The following MBD3 variants were observed in gnomAD, a reference collection of about 807,000 sequenced individuals.
MBD3 encodes the protein methyl-CpG binding domain protein 3, also known as methyl-CpG-binding domain protein 3.
A neutral mutation model predicts 31.2 loss-of-function variants in MBD3; 13 were observed. The observed-to-expected ratio is 0.42, with a 90% CI of 0.27 to 0.66. The LOEUF (loss-of-function observed/expected upper bound fraction) is 0.66, where lower values mean the gene tolerates loss of function less well. Ranked by LOEUF, MBD3 falls within the 30% of genes least tolerant of loss-of-function variation. The pLI, the probability that MBD3 is intolerant of heterozygous loss-of-function variation, is 0.26. For synonymous variants in MBD3, 223 were observed against 187.4 expected, an observed-to-expected ratio of 1.19 and a Z score of -1.55; for missense variants, 440 against 426.5, an observed-to-expected ratio of 1.03 and a Z score of -0.28.
Position 1,592,545 on chromosome 19 carries a change from G to A in MBD3, c.87C>T (p.Gly29=). 2 of 1,438,842 alleles carry A rather than the reference G, an allele frequency of 1.4e-6. No individual in the cohort carries two copies. Among genetic ancestry groups the A allele is most frequent in the Non-Finnish European group, 9.3e-7 (1 of 1,073,220 alleles). The allele number at this position is 1,438,842 out of a possible 1,614,324, so 89.1% of individuals were successfully genotyped here. A position where few individuals can be genotyped will look rare whatever the true frequency, so the allele number is the denominator to read the frequency against. The change falls in exon 1 of 7, where the codon GGC becomes GGT. Residue 29 remains glycine (G), a synonymous_variant. Coordinates refer to ENST00000434436, the MANE Select transcript of MBD3 (RefSeq NM_001281453.2). ...EVPRRSGLSA[G]HRDVFYYSPS... ...ACCTATAGTAAAAGACATCCCTGTG[G>A]CCGGCCGACAGCCCCGACCTTCTGG...
chr19:1,578,620 T>A lies in MBD3; in HGVS notation c.678-82A>T, dbSNP rs1599338736. On this transcript the variant is annotated intron_variant, in intron 5 of 6. Transcript: ENST00000434436. The surrounding 1 kb of genome is among the most constrained non-coding windows in gnomAD (Gnocchi z 6.1). The stretch of plus-strand genomic sequence containing the variant: ...ACAGGATGAACGTGGGGACCTCAGC[T>A]GGGAGGGGAGGCCCGAGGGATCCAC... The A allele has an allele frequency of 6.2e-6, 10 of 1,600,696 alleles. No homozygotes were observed. The East Asian group carries it at 2.2e-4, about 36-fold the overall frequency.
intron 5 of MBD3, among the ~76,000 whole-genome samples, chr19:1,580,239 G>A (rs896337035): frequency 1.3e-5 from 2 of 152,234 alleles, no homozygotes; most frequent in East Asian, 1.9e-4. Context: ...TACCACGGCC[G>A]GAGGAGGATG....
rs2238590 is a variant in MBD3, at chr19:1,580,009, C to T, written c.677+1083G>A. Among the ~76,000 whole-genome samples the T allele has an allele frequency of 0.033, 4,956 of 152,318 alleles. 436 individuals are homozygous for T. In the East Asian group the frequency reaches 0.35, roughly 11 times the overall value. The stretch of plus-strand genomic sequence containing the variant: ...CTGACCTCAGGTGATCCTCCCGCCT[C>T]GGCCTCCCAAAGTGCTGGGATTACA... On this transcript the variant is annotated intron_variant, in intron 5 of 6. Transcript: ENST00000434436.
chr19:1,580,965 G>A, intron 5 of MBD3, 127 bp downstream of exon 5: 2 of 1,245,130 alleles, frequency 1.6e-6, no homozygotes, highest in Non-Finnish European at 2.3e-6. Context: ...TGCCCTGGCT[G>A]TTTCTGTTTC....
chr19:1,592,167 G>C (rs763427778), intron 1 of MBD3: 20 of 152,334 alleles, frequency 1.3e-4, no homozygotes, highest in Non-Finnish European at 2.8e-4. Context: ...AGCGCCCCAA[G>C]AAGGCACCCC....
intron 3 of MBD3, 24 bp downstream of exon 3, chr19:1,584,516 G>A (rs768980750): frequency 6.8e-6 from 11 of 1,611,268 alleles, no homozygotes; most frequent in Admixed American, 5.0e-5. Flanking sequence ...CGGGAAGGCT[G>A]GGGTCGCTGT....
At chr19:1,586,984 A>AATAGAGAT (rs2060682281) in intron 1 of MBD3, among the ~76,000 whole-genome samples, 1 of 128,296 alleles carries the variant, frequency 7.8e-6, no homozygotes, top group Non-Finnish European at 1.7e-5. Context: ...TTTTTTTTTT[A>AATAGAGAT]AGACGGAGTC....
chr19:1,582,596 C>T (rs749980377), intron 4 of MBD3, 26 bp downstream of exon 4: 68 of 1,607,448 alleles, frequency 4.2e-5, no homozygotes, highest in Admixed American at 5.0e-5. Flanking sequence ...CATCCCCTTC[C>T]GCCTCCCCTC....
chr19:1,587,518 G>A (rs2060684929), intron 1 of MBD3, among the ~76,000 whole-genome samples: 1 of 152,182 alleles, frequency 6.6e-6, no homozygotes, highest in Non-Finnish European at 1.5e-5. Flanking sequence ...GGACTCAAGG[G>A]ATTGTCCTGC....
intron 4 of MBD3, 43 bp downstream of exon 4, chr19:1,582,579 C>G: frequency 6.3e-7 from 1 of 1,587,230 alleles, no homozygotes; most frequent in Non-Finnish European, 8.6e-7. Flanking sequence ...CTCCACCCCA[C>G]CCGGCACATC....
At chr19:1,580,377 C>A (rs1056395838) in intron 5 of MBD3, among the ~76,000 whole-genome samples, 36 of 152,322 alleles carry the variant, frequency 2.4e-4, no homozygotes, top group African/African-American at 7.9e-4. Flanking sequence ...GGGCCTTTAA[C>A]CCCGGCTGCT....
chr19:1,583,535 A>G (rs1181682956), intron 3 of MBD3, among the ~76,000 whole-genome samples: 3 of 152,078 alleles, frequency 2.0e-5, no homozygotes, highest in Non-Finnish European at 2.9e-5. Context: ...CGGCAGACTG[A>G]AAATATTTGG....
chr19:1,588,779 CAAAAAAAAA>C (rs750933978), intron 1 of MBD3, among the ~76,000 whole-genome samples: 1 of 54,950 alleles, frequency 1.8e-5, no homozygotes, highest in African/African-American at 7.5e-5. Context: ...ACTGTGTCTC[CAAAAAAAAA>C]AAAAAAAAAA....
chr19:1,592,461 C>T, intron 1 of MBD3, 61 bp downstream of exon 1: 10 of 911,572 alleles, frequency 1.1e-5, no homozygotes, highest in South Asian at 1.9e-5. Flanking sequence ...GCGCCGAGGC[C>T]GCCGCAGAGG....
Position 1,578,589 on chromosome 19 carries a change from A to T in MBD3, c.678-51T>A. On this transcript the variant is annotated intron_variant, in intron 5 of 6. Coordinates refer to ENST00000434436, the MANE Select transcript of MBD3 (RefSeq NM_001281453.2). The surrounding 1 kb of genome is among the most constrained non-coding windows in gnomAD (Gnocchi z 6.1). ...CACCAAGGTGAGCGGCCAGCAGGAC[A>T]TGGACACAGGATGAACGTGGGGACC... 6.2e-7 allele frequency: 1 copy of T among 1,606,918 alleles called. No homozygotes were observed. The highest frequency in any genetic ancestry group is 8.5e-7 in the Non-Finnish European group (1 of 1,179,840).
intron 1 of MBD3, among the ~76,000 whole-genome samples, chr19:1,589,209 T>C (rs1304540362): frequency 1.3e-5 from 2 of 151,278 alleles, no homozygotes; most frequent in East Asian, 3.9e-4. Flanking sequence ...CACATGCCTG[T>C]AATCCCAGCT....
rs748716757 is a variant in MBD3, at chr19:1,581,159, G to A, written c.610C>T (p.Pro204Ser). ...TGCGTGGTGTTGAGCCATACGCCGG[G>A]GTTCTTCTCCACGGCGGCCGAGAGC... ...GQLSAAVEKN[P>S]GVWLNTTQPL... The change falls in exon 5 of 7, where the codon CCC becomes TCC. Residue 204 changes from proline to serine, a missense_variant. Physicochemically the swap from Pro to Ser is moderately conservative, Grantham distance 74 (BLOSUM62 -1). Transcript: ENST00000434436. 1.9e-6 allele frequency: 3 copies of A among 1,614,046 alleles called. No homozygotes were observed. The highest frequency in any genetic ancestry group is 1.7e-6 in the Non-Finnish European group (2 of 1,180,046).
chr19:1,580,259 G>A (rs905937201), intron 5 of MBD3, among the ~76,000 whole-genome samples: 7 of 152,204 alleles, frequency 4.6e-5, no homozygotes, highest in South Asian at 2.1e-4. Flanking sequence ...GCCGCCAGCC[G>A]CTCCGGATGG....
At chr19:1,582,856 C>T in intron 3 of MBD3, 144 bp from the exon 4 acceptor site, 1 of 704,694 alleles carries the variant, frequency 1.4e-6, no homozygotes, top group Non-Finnish European at 2.6e-6. Flanking sequence ...TGCCTTGGGT[C>T]TCCAGACCCT....
Sources: gnomAD v4.1 joint callset for allele counts (sites outside exome capture counted in the v4.1 genomes callset) on GRCh38, gnomAD v4.1.1 for gene constraint, Gnocchi (gnomAD v3.1) non-coding constraint, MANE v1.5 for transcripts, NCBI Gene and HGNC (gene_info 2026-07-23, HGNC 2026-07-21) for gene names.